The following PDE5A variants were observed in gnomAD, a reference collection of about 807,000 sequenced individuals.
PDE5A encodes cGMP-specific 3',5'-cyclic phosphodiesterase.
PDE5A carries 67 observed loss-of-function variants against 110.2 expected under a neutral mutation model. The ratio of observed to expected loss-of-function variants is 0.61; its 90% CI spans 0.50 to 0.75. The LOEUF (loss-of-function observed/expected upper bound fraction) is 0.75, where lower values mean the gene tolerates loss of function less well. Among genes scored for constraint, PDE5A ranks in the 30% least tolerant of loss-of-function variants. PDE5A has a pLI of 0.00. For missense variants in PDE5A, 862 were observed against 1,045.1 expected, an observed-to-expected ratio of 0.82 and a Z score of 2.42; for synonymous variants, 328 against 351.2, an observed-to-expected ratio of 0.93 and a Z score of 0.74.
chr4:119,511,007 C>T, intron 15 of PDE5A, 40 bp downstream of exon 15: 2 of 1,101,960 alleles, frequency 1.8e-6, no homozygotes, highest in East Asian at 4.8e-5. Context: ...ATTTATAAAG[C>T]TCTCTTTTAA....
intron 1 of PDE5A, 123 bp from the exon 2 acceptor site, chr4:119,607,420 A>G: frequency 1.5e-6 from 1 of 666,908 alleles, no homozygotes. Flanking sequence ...TATAGAAAAT[A>G]AAAACAAGAT....
chr4:119,604,396 A>T (rs1697706476), intron 2 of PDE5A, among the ~76,000 whole-genome samples: 1 of 152,246 alleles, frequency 6.6e-6, no homozygotes, highest in Admixed American at 6.5e-5. Flanking sequence ...GAGAATATTT[A>T]TGATCCTACT....
intron 3 of PDE5A, 85 bp from the exon 4 acceptor site, chr4:119,567,229 T>A: frequency 8.2e-6 from 8 of 978,214 alleles, no homozygotes; most frequent in Admixed American, 1.8e-5. Flanking sequence ...ATAGAAGATA[T>A]CCTGCATGTG....
intron 19 of PDE5A, among the ~76,000 whole-genome samples, chr4:119,501,716 GA>G (rs1234200311): frequency 6.6e-6 from 1 of 151,996 alleles, no homozygotes; most frequent in Non-Finnish European, 1.5e-5. Context: ...TTATTTCAAG[GA>G]AACTCATTCC....
At chr4:119,586,953 G>C (rs1728785103) in intron 3 of PDE5A, among the ~76,000 whole-genome samples, 1 of 152,098 alleles carries the variant, frequency 6.6e-6, no homozygotes, top group Admixed American at 6.5e-5. Context: ...TTCTTGATCA[G>C]TAATGTAGAC....
Position 119,628,759 on chromosome 4 carries a change from C to T in PDE5A, c.-88G>A, listed in dbSNP as rs1399426521. The T allele has an allele frequency of 2.6e-6, 4 of 1,541,532 alleles. No homozygotes were observed. Among genetic ancestry groups the T allele is most frequent in the Non-Finnish European group, 3.5e-6 (4 of 1,142,304 alleles). On this transcript the variant is annotated 5_prime_UTR_variant, in exon 1 of 21. Coordinates refer to ENST00000354960, the MANE Select transcript of PDE5A (RefSeq NM_001083.4). The stretch of plus-strand genomic sequence containing the variant: ...CCCTCAGAAGAACAGGACTCGGCCT[C>T]GAGACCCTCCCCCTTCGTCCTGCTC...
At chr4:119,621,203 A>T (rs1423713962) in intron 1 of PDE5A, among the ~76,000 whole-genome samples, 1 of 152,250 alleles carries the variant, frequency 6.6e-6, no homozygotes, top group Non-Finnish European at 1.5e-5. Context: ...AACACTAGTT[A>T]TGGTAGACAT....
chr4:119,628,681 C>T lies in PDE5A; in HGVS notation c.-10G>A, dbSNP rs1478093842. ...GGCCGGCCCGCTCCATGGTTGGCAC[C>T]GCGCGCCTCGGAGGCTCTCTGGTAC... On this transcript the variant is annotated 5_prime_UTR_variant, in exon 1 of 21. Coordinates refer to ENST00000354960, the MANE Select transcript of PDE5A (RefSeq NM_001083.4). 3 of 1,610,890 alleles carry T rather than the reference C, an allele frequency of 1.9e-6. No individual in the cohort carries two copies. The highest frequency in any genetic ancestry group is 1.3e-5 in the African/African-American group (1 of 75,066).
At chr4:119,594,575 T>C (rs551120107) in intron 3 of PDE5A, among the ~76,000 whole-genome samples, 13 of 152,360 alleles carry the variant, frequency 8.5e-5, no homozygotes, top group African/African-American at 3.1e-4. Flanking sequence ...TTTAAAAATT[T>C]GATATACCTG....
chr4:119,615,615 CA>C (rs56177504), intron 1 of PDE5A, among the ~76,000 whole-genome samples: 120,908 of 130,334 alleles, frequency 0.93, 55,948 homozygotes, highest in Admixed American at 0.95. Context: ...CTACTAAGTT[CA>C]AAAAAAAAAA....
chr4:119,506,300 T>TTAAC (rs1199208214), intron 16 of PDE5A, among the ~76,000 whole-genome samples: 2 of 151,972 alleles, frequency 1.3e-5, no homozygotes, highest in African/African-American at 4.8e-5. Flanking sequence ...AGGTTTCAGT[T>TTAAC]TATCATTTAT....
chr4:119,518,157 C>G (rs991346880), intron 14 of PDE5A, among the ~76,000 whole-genome samples: 1 of 152,208 alleles, frequency 6.6e-6, no homozygotes, highest in Non-Finnish European at 1.5e-5. Flanking sequence ...GAAATTCCCT[C>G]TAGATATCAG....
Position 119,608,852 on chromosome 4 carries a change from TG to T in PDE5A, c.153-1556del, listed in dbSNP as rs1266736346. Among the ~76,000 whole-genome samples the T allele has an allele frequency of 5.3e-5, 8 of 152,326 alleles. No individual in the cohort carries two copies. The South Asian group carries it at 1.7e-3, about 32-fold the overall frequency. ...GGATGTAGTCACTCTCCAAAGTTTT[TG>T]GTTGTAGTAACAATTGATATTACTT... On this transcript the variant is annotated intron_variant, in intron 1 of 20. Transcript: ENST00000354960.
chr4:119,528,843 A>G (rs891726554), intron 11 of PDE5A: 2 of 151,788 alleles, frequency 1.3e-5, no homozygotes, highest in African/African-American at 2.4e-5. Context: ...CCTAAACTCA[A>G]TCTCTGGTTT....
At chr4:119,579,460 C>G (rs552531224) in intron 3 of PDE5A, among the ~76,000 whole-genome samples, 1 of 152,176 alleles carries the variant, frequency 6.6e-6, no homozygotes, top group East Asian at 1.9e-4. Flanking sequence ...CAATGATAGA[C>G]TGGATTAAGA....
intron 3 of PDE5A, among the ~76,000 whole-genome samples, chr4:119,568,917 TAAG>T (rs911891654): frequency 5.3e-5 from 8 of 152,060 alleles, no homozygotes; most frequent in South Asian, 2.1e-4. Flanking sequence ...CTCAAAAATA[TAAG>T]AAGACAAAAA....
intron 14 of PDE5A, among the ~76,000 whole-genome samples, chr4:119,515,693 T>G (rs1190959984): frequency 6.6e-6 from 1 of 152,124 alleles, no homozygotes; most frequent in African/African-American, 2.4e-5. Context: ...TCCTTCATGC[T>G]TATATATAAC....
chr4:119,552,135 A>T (rs565396055), intron 9 of PDE5A: 1 of 152,406 alleles, frequency 6.6e-6, no homozygotes, highest in South Asian at 2.1e-4. Context: ...TCATTGATTT[A>T]TCCCAACTGC....
At chr4:119,618,001 C>A (rs992974613) in intron 1 of PDE5A, among the ~76,000 whole-genome samples, 3 of 152,108 alleles carry the variant, frequency 2.0e-5, no homozygotes, top group African/African-American at 7.2e-5. Flanking sequence ...GAGTTAGAAA[C>A]CTCATGACAT....
Sources: gnomAD v4.1 joint callset for allele counts (sites outside exome capture counted in the v4.1 genomes callset) on GRCh38, gnomAD v4.1.1 for gene constraint, MANE v1.5 for transcripts, NCBI Gene and HGNC (gene_info 2026-07-23, HGNC 2026-07-21) for gene names.